Variants in MPP7 observed in about 807,000 individuals in gnomAD.
MPP7 encodes MAGUK p55 scaffold protein 7.
In MPP7, 60 loss-of-function variants were observed where a neutral mutation model predicts 76.5. That is an observed-to-expected ratio of 0.78 (90% confidence interval 0.64 to 0.97). The LOEUF (loss-of-function observed/expected upper bound fraction) is 0.97. Ranked by LOEUF, MPP7 falls within the 50% of genes least tolerant of loss-of-function variation. MPP7 has a pLI of 0.00. For synonymous variants in MPP7, 237 were observed against 244.5 expected (o/e 0.97, Z 0.29); for missense variants, 641 against 694.0 (o/e 0.92, Z 0.86).
intron 3 of MPP7, among the ~76,000 whole-genome samples, chr10:28,162,859 CTCTCTCTCTCTCTT>C (rs1417631179): frequency 6.6e-6 from 1 of 151,394 alleles, no homozygotes; most frequent in Admixed American, 6.6e-5. Context: ...CTTTCTCTCA[CTCTCTCTCTCTCTT>C]TCTCTCTCTC....
chr10:28,314,297 T>C (rs1841306936), intron 2 of MPP7, among the ~76,000 whole-genome samples: 1 of 152,218 alleles, frequency 6.6e-6, no homozygotes, highest in Non-Finnish European at 1.5e-5. Context: ...AGAATTCTGA[T>C]TTGTGCATTT....
chr10:28,052,005 T>A lies in MPP7; in HGVS notation c.*2060A>T, dbSNP rs575954670. ...GCTTAAGGTCTGGACCTTTCTTTTTTAAAATGTTATATTTTTATAACATCT... is the reference window on the plus strand; with the variant it reads ...GCTTAAGGTCTGGACCTTTCTTTTTAAAAATGTTATATTTTTATAACATCT... On this transcript the variant is annotated 3_prime_UTR_variant, in exon 17 of 17. Transcript: ENST00000683449. 4.6e-5 allele frequency: 7 copies of A among 152,304 alleles called. No individual in the cohort carries two copies. The highest frequency in any genetic ancestry group is 1.2e-4 in the African/African-American group (5 of 41,564). The allele number at this position is 152,304 out of a possible 1,614,324, so 9.4% of individuals were successfully genotyped here.
At chr10:28,070,770 C>G (rs577797714) in intron 12 of MPP7, among the ~76,000 whole-genome samples, 4 of 152,312 alleles carry the variant, frequency 2.6e-5, no homozygotes, top group African/African-American at 9.6e-5. Context: ...GACAAATTGA[C>G]TCTGATCTTA....
intron 1 of MPP7, among the ~76,000 whole-genome samples, chr10:28,283,129 G>C (rs1215904577): frequency 6.6e-6 from 1 of 151,878 alleles, no homozygotes; most frequent in Non-Finnish European, 1.5e-5. Context: ...GGCCAAAATA[G>C]GTGAAACTTG....
intron 3 of MPP7, among the ~76,000 whole-genome samples, chr10:28,178,591 C>G (rs1305159414): frequency 1.3e-5 from 2 of 151,978 alleles, no homozygotes; most frequent in Admixed American, 1.3e-4. Context: ...AGTCAGACCA[C>G]CTGGGTTCAA....
intron 8 of MPP7, among the ~76,000 whole-genome samples, chr10:28,122,181 T>C (rs1160625390): frequency 1.3e-5 from 2 of 152,196 alleles, no homozygotes; most frequent in Non-Finnish European, 2.9e-5. Flanking sequence ...TAATCTCCTC[T>C]TATTTTTCTA....
intron 3 of MPP7, among the ~76,000 whole-genome samples, chr10:28,155,127 G>A (rs865788811): frequency 4.6e-5 from 7 of 152,256 alleles, no homozygotes; most frequent in Middle Eastern, 3.4e-3. Context: ...GTCTTAAAAC[G>A]TGGCGAGTCT....
At chr10:28,320,656 T>C (rs1176090922) in intron 2 of MPP7, among the ~76,000 whole-genome samples, 1 of 152,122 alleles carries the variant, frequency 6.6e-6, no homozygotes, top group African/African-American at 2.4e-5. Flanking sequence ...CATATCAATT[T>C]TGCTTGACAT....
chr10:28,062,749 G>T (rs1851843696), intron 13 of MPP7, among the ~76,000 whole-genome samples: 1 of 152,104 alleles, frequency 6.6e-6, no homozygotes, highest in African/African-American at 2.4e-5. Flanking sequence ...TCCTCAAACT[G>T]ATAAAGTCAA....
At chr10:28,306,491 T>A (rs532908917), upstream of MPP7, among the ~76,000 whole-genome samples, 29 of 151,968 alleles carry the variant, frequency 1.9e-4, no homozygotes, top group South Asian at 4.6e-3. Context: ...TTACAAAAAA[T>A]TTAAAAATTA....
chr10:28,312,518 A>T (rs565453693), intron 2 of MPP7, among the ~76,000 whole-genome samples: 1 of 152,314 alleles, frequency 6.6e-6, no homozygotes, highest in African/African-American at 2.4e-5. Flanking sequence ...TCTCAGCATG[A>T]TTATAAATTG....
chr10:28,296,456 C>A (rs1380842876), intron 1 of MPP7, among the ~76,000 whole-genome samples: 1 of 152,212 alleles, frequency 6.6e-6, no homozygotes, highest in Non-Finnish European at 1.5e-5. Context: ...AGATTCCTAT[C>A]CTGCATTTTC....
intron 5 of MPP7, among the ~76,000 whole-genome samples, chr10:28,143,572 T>C (rs1835597062): frequency 2.0e-5 from 3 of 152,006 alleles, no homozygotes. Flanking sequence ...TGTATGTGTG[T>C]ATTCCTATCT....
chr10:28,304,198 C>T (rs1246207957), upstream of MPP7, among the ~76,000 whole-genome samples: 1 of 152,120 alleles, frequency 6.6e-6, no homozygotes, highest in South Asian at 2.1e-4. Flanking sequence ...CAGAACACAT[C>T]CCCCAGAACT....
chr10:28,188,213 G>A (rs1019837751), intron 3 of MPP7, among the ~76,000 whole-genome samples: 2 of 151,988 alleles, frequency 1.3e-5, no homozygotes, highest in Non-Finnish European at 2.9e-5. Flanking sequence ...CTTCTCCTAG[G>A]TGACTAATAT....
In MPP7 at chr10:28,054,256, A is replaced by G. The variant is rs1564606799; in HGVS notation, c.1552-12T>C. 3.3e-6 allele frequency: 5 copies of G among 1,511,400 alleles called. No homozygotes were observed. Among genetic ancestry groups the G allele is most frequent in the Admixed American group, 2.0e-5 (1 of 49,992 alleles). 93.6% of individuals were successfully genotyped at this position (1,511,400 alleles called of 1,614,324 possible). On this transcript the variant is annotated splice_polypyrimidine_tract_variant and intron_variant, in intron 16 of 16. Coordinates refer to ENST00000683449, the MANE Select transcript of MPP7 (RefSeq NM_001318170.2). ...TGAAAATCTTCTTCCTACAAAAGGAAGTATTAAAAAAATAATTGGTTAACC... is the reference window on the plus strand; with the variant it reads ...TGAAAATCTTCTTCCTACAAAAGGAGGTATTAAAAAAATAATTGGTTAACC...
intron 3 of MPP7, 62 bp downstream of exon 3, chr10:28,202,091 G>C: frequency 8.8e-7 from 1 of 1,133,000 alleles, no homozygotes. Flanking sequence ...TTTACTTGGT[G>C]GTGCCCCAAA....
intron 1 of MPP7, among the ~76,000 whole-genome samples, chr10:28,301,258 C>G (rs941531286): frequency 6.6e-6 from 1 of 152,118 alleles, no homozygotes; most frequent in Non-Finnish European, 1.5e-5. Context: ...TTCTGCATAT[C>G]AATTATTTCT....
intron 3 of MPP7, among the ~76,000 whole-genome samples, chr10:28,151,742 T>A (rs1391709974): frequency 6.6e-6 from 1 of 152,222 alleles, no homozygotes; most frequent in African/African-American, 2.4e-5. Context: ...AGTTGCTATG[T>A]TCTTGCAGAC....
Sources: gnomAD v4.1 joint callset for allele counts (sites outside exome capture counted in the v4.1 genomes callset) on GRCh38, gnomAD v4.1.1 for gene constraint, MANE v1.5 for transcripts, NCBI Gene and HGNC (gene_info 2026-07-23, HGNC 2026-07-21) for gene names.